The following NBAS variants were observed in gnomAD, a reference collection of about 807,000 sequenced individuals.
NBAS encodes NBAS subunit of NRZ tethering complex, also known as NAG/BC035112 fusion.
A neutral mutation model predicts 302.5 loss-of-function variants in NBAS; 219 were observed. The observed-to-expected ratio is 0.72, with a 90% CI of 0.65 to 0.81. The LOEUF is 0.81. Among genes scored for constraint, NBAS ranks in the 30% least tolerant of loss-of-function variants. The pLI is 0.00. For missense variants in NBAS, 2,932 were observed against 2,841.6 expected, an observed-to-expected ratio of 1.03 and a Z score of -0.72; for synonymous variants, 1,118 against 1,021.6, an observed-to-expected ratio of 1.09 and a Z score of -1.80.
chr2:14,892,574 T>C, the NBAS span, among the ~76,000 whole-genome samples: 1 of 152,224 alleles, frequency 6.6e-6, no homozygotes, highest in African/African-American at 2.4e-5. Flanking sequence ...TTAATTTAAC[T>C]ATTCTTCTAG....
At chr2:15,179,305 G>T in intron 50 of NBAS, 189 bp from the exon 51 acceptor site, 1 of 754,432 alleles carries the variant, frequency 1.3e-6, no homozygotes, top group Non-Finnish European at 2.2e-6. Flanking sequence ...ACAGTAAACT[G>T]TGTACAGATT....
the NBAS span, among the ~76,000 whole-genome samples, chr2:15,085,189 G>A: frequency 6.6e-6 from 1 of 152,196 alleles, no homozygotes; most frequent in East Asian, 1.9e-4. Flanking sequence ...GAGTGCGGGG[G>A]CCGGTTCCGG....
At chr2:15,154,399 A>T in the NBAS span, among the ~76,000 whole-genome samples, 1 of 152,152 alleles carries the variant, frequency 6.6e-6, no homozygotes, top group Non-Finnish European at 1.5e-5. Flanking sequence ...GGTTTCATAG[A>T]CTGCATAGAC....
the NBAS span, among the ~76,000 whole-genome samples, chr2:14,816,461 G>A: frequency 3.1e-3 from 465 of 152,278 alleles, 3 homozygotes; most frequent in African/African-American, 0.01. Context: ...CACAAAACCC[G>A]TCCCTGGTGC....
the NBAS span, among the ~76,000 whole-genome samples, chr2:14,923,083 C>T: frequency 2.0e-5 from 3 of 152,148 alleles, no homozygotes; most frequent in African/African-American, 7.2e-5. Flanking sequence ...ACCCGGGAAG[C>T]GGAGCTTGCA....
chr2:15,201,810 T>C (rs949277590), intron 48 of NBAS, among the ~76,000 whole-genome samples: 29 of 152,204 alleles, frequency 1.9e-4, no homozygotes, highest in African/African-American at 7.0e-4. Context: ...TTCTAAATAC[T>C]TGACCTTGCA....
At chr2:14,851,334 A>G in the NBAS span, among the ~76,000 whole-genome samples, 2 of 151,786 alleles carry the variant, frequency 1.3e-5, no homozygotes, top group African/African-American at 2.4e-5. Flanking sequence ...ATCTAGAAGA[A>G]ATGGATACAT....
chr2:15,087,243 C>T, the NBAS span, among the ~76,000 whole-genome samples: 1 of 151,234 alleles, frequency 6.6e-6, no homozygotes, highest in Non-Finnish European at 1.5e-5. Flanking sequence ...CACACACACA[C>T]ACACACACAC....
the NBAS span, among the ~76,000 whole-genome samples, chr2:14,888,458 T>C: frequency 6.6e-6 from 1 of 151,790 alleles, no homozygotes; most frequent in Non-Finnish European, 1.5e-5. Context: ...GCCCCCCCTT[T>C]TTTTTTTATT....
chr2:15,561,200 C>G lies in NBAS; in HGVS notation c.105G>C (p.Glu35Asp). 6.2e-7 allele frequency: 1 copy of G among 1,613,832 alleles called. No individual in the cohort carries two copies. Among genetic ancestry groups the G allele is most frequent in the Non-Finnish European group, 8.5e-7 (1 of 1,179,974 alleles). Residue 35 changes from glutamate to aspartate, a missense_variant, in exon 1 of 52, where the codon GAG becomes GAC. Transcript: ENST00000281513. ...DLLVNTEWPP[E>D]TEVQPRGNQK... ...GGGCCTGGTTCACCTGTACTTCAGTCTCCGGTGGCCACTCGGTGTTGACCA... is the reference window on the plus strand; with the variant it reads ...GGGCCTGGTTCACCTGTACTTCAGTGTCCGGTGGCCACTCGGTGTTGACCA...
At chr2:15,529,546 C>G (rs149148425) in intron 9 of NBAS, among the ~76,000 whole-genome samples, 3 of 152,136 alleles carry the variant, frequency 2.0e-5, no homozygotes, top group Non-Finnish European at 4.4e-5. Flanking sequence ...CCCAAAAAGA[C>G]TTTAAAGGAA....
intron 48 of NBAS, among the ~76,000 whole-genome samples, chr2:15,213,651 C>A (rs928323750): frequency 1.3e-5 from 2 of 152,132 alleles, no homozygotes. Context: ...GGTCATGTGA[C>A]CTCATTTAAA....
At chr2:14,963,224 C>T in the NBAS span, among the ~76,000 whole-genome samples, 7 of 151,950 alleles carry the variant, frequency 4.6e-5, no homozygotes, top group African/African-American at 7.3e-5. Flanking sequence ...ACCAAGATCG[C>T]GACCCAGCAC....
the NBAS span, among the ~76,000 whole-genome samples, chr2:15,019,519 A>C: frequency 6.6e-6 from 1 of 152,150 alleles, no homozygotes; most frequent in Non-Finnish European, 1.5e-5. Context: ...TAGATATGGA[A>C]GTCAGGAGGA....
chr2:15,508,679 AT>A (rs1436107106), intron 10 of NBAS, among the ~76,000 whole-genome samples: 4 of 150,862 alleles, frequency 2.7e-5, no homozygotes, highest in South Asian at 2.1e-4. Flanking sequence ...ATAATTTAAA[AT>A]TTTTTTTTTT....
chr2:14,904,144 A>C, the NBAS span, among the ~76,000 whole-genome samples: 1 of 152,256 alleles, frequency 6.6e-6, no homozygotes, highest in African/African-American at 2.4e-5. Flanking sequence ...TATTAGTCAG[A>C]GTTCTACAGA....
the NBAS span, among the ~76,000 whole-genome samples, chr2:14,991,735 T>C: frequency 1.6e-4 from 25 of 152,334 alleles, no homozygotes; most frequent in East Asian, 4.4e-3. Context: ...TGGTAGAATC[T>C]TGGGCCTCAC....
At chr2:15,288,192 G>A (rs1171665230) in intron 41 of NBAS, among the ~76,000 whole-genome samples, 1 of 152,226 alleles carries the variant, frequency 6.6e-6, no homozygotes, top group African/African-American at 2.4e-5. Context: ...AAACTTCTAT[G>A]TTTTCTACCC....
Position 15,340,332 on chromosome 2 carries a change from G to T in NBAS, c.4180-9567C>A, listed in dbSNP as rs567301259. 3.9e-5 allele frequency among the ~76,000 whole-genome samples: 6 copies of T among 152,244 alleles called. No homozygotes were observed. The South Asian group carries it at 1.0e-3, about 26-fold the overall frequency. ...TGGGTCAGCACGATGTCCCAAAGAG[G>T]AGGAGAAGAATCAAGGATGACAGCA... is the stretch of plus-strand genomic sequence containing the variant. On this transcript the variant is annotated intron_variant, in intron 35 of 51. Transcript: ENST00000281513.
Sources: allele counts gnomAD v4.1 joint callset (sites outside exome capture counted in the v4.1 genomes callset), GRCh38; gene constraint gnomAD v4.1.1; transcripts MANE v1.5; gene names NCBI Gene and HGNC (gene_info 2026-07-23, HGNC 2026-07-21).